The following PRKCA variants were observed in gnomAD, a reference collection of about 807,000 sequenced individuals.
PRKCA encodes protein kinase C alpha type.
PRKCA carries 27 observed loss-of-function variants against 87.0 expected under a neutral mutation model. The observed-to-expected ratio is 0.31, with a 90% CI of 0.23 to 0.43. The LOEUF is 0.43. Ranked by LOEUF, PRKCA falls within the 20% of genes least tolerant of loss-of-function variation. The pLI, the probability that PRKCA is intolerant of heterozygous loss-of-function variation, is 1.00. For synonymous variants in PRKCA, 329 were observed against 311.1 expected (o/e 1.06, Z -0.61); for missense variants, 518 against 852.3 (o/e 0.61, Z 4.88).
At chr17:66,595,923 G>A (rs1022201489) in intron 3 of PRKCA, among the ~76,000 whole-genome samples, 2 of 152,170 alleles carry the variant, frequency 1.3e-5, no homozygotes, top group East Asian at 1.9e-4. Flanking sequence ...AAAGGCGTAC[G>A]GCATCAAGCC....
At chr17:66,429,948 A>G (rs1913014529) in intron 2 of PRKCA, among the ~76,000 whole-genome samples, 1 of 151,610 alleles carries the variant, frequency 6.6e-6, no homozygotes, top group Admixed American at 6.6e-5. Context: ...TAGGCTTGTG[A>G]CCAGCATCTC....
At chr17:66,778,211 A>G (rs1361821590) in intron 14 of PRKCA, 4 of 984,982 alleles carry the variant, frequency 4.1e-6, no homozygotes, top group Non-Finnish European at 4.8e-6. Flanking sequence ...GGTCTCCATC[A>G]TCTCTATTAA....
chr17:66,584,199 T>C (rs184466040), intron 3 of PRKCA, among the ~76,000 whole-genome samples: 271 of 152,222 alleles, frequency 1.8e-3, no homozygotes, highest in African/African-American at 5.9e-3. Flanking sequence ...TTTATTGTTT[T>C]GGTTTTTGTT....
At chr17:66,673,623 G>C (rs150296929) in intron 5 of PRKCA, among the ~76,000 whole-genome samples, 1 of 152,314 alleles carries the variant, frequency 6.6e-6, no homozygotes, top group Non-Finnish European at 1.5e-5. Flanking sequence ...AACACAGACG[G>C]TGTCAGCAGA....
chr17:66,459,082 A>AT (rs1352402850), intron 2 of PRKCA, among the ~76,000 whole-genome samples: 1 of 152,112 alleles, frequency 6.6e-6, no homozygotes, highest in Non-Finnish European at 1.5e-5. Context: ...TAAAAAAAAA[A>AT]GGGATAATGA....
intron 16 of PRKCA, among the ~76,000 whole-genome samples, chr17:66,790,724 C>A (rs1474878891): frequency 6.6e-6 from 1 of 152,148 alleles, no homozygotes; most frequent in Non-Finnish European, 1.5e-5. Context: ...GCAGCAAAAC[C>A]AACCATAAAA....
At chr17:66,506,809 T>G (rs1201474030) in intron 3 of PRKCA, among the ~76,000 whole-genome samples, 1 of 152,202 alleles carries the variant, frequency 6.6e-6, no homozygotes, top group African/African-American at 2.4e-5. Flanking sequence ...GATCAACAAT[T>G]GGTATGATGG....
intron 8 of PRKCA, among the ~76,000 whole-genome samples, chr17:66,707,281 C>T (rs964940050): frequency 1.3e-5 from 2 of 152,238 alleles, no homozygotes; most frequent in East Asian, 1.9e-4. Context: ...AGACTACTCA[C>T]TTGCCAGACA....
chr17:66,602,458 G>A (rs1174034409), intron 3 of PRKCA, among the ~76,000 whole-genome samples: 5 of 151,100 alleles, frequency 3.3e-5, no homozygotes, highest in African/African-American at 4.9e-5. Flanking sequence ...ACTGACCTGC[G>A]CCCACTGTCT....
At chr17:66,579,629 A>G (rs982630974) in intron 3 of PRKCA, among the ~76,000 whole-genome samples, 1 of 152,126 alleles carries the variant, frequency 6.6e-6, no homozygotes, top group Non-Finnish European at 1.5e-5. Context: ...GGACCCAGGT[A>G]GTCTGGGTCC....
chr17:66,710,964 A>G (rs1372879332), intron 8 of PRKCA, among the ~76,000 whole-genome samples: 1 of 151,920 alleles, frequency 6.6e-6, no homozygotes. Flanking sequence ...AATCACTTGA[A>G]CCCGGGAGGC....
intron 13 of PRKCA, among the ~76,000 whole-genome samples, chr17:66,754,520 G>A (rs897550355): frequency 2.6e-5 from 4 of 152,266 alleles, no homozygotes; most frequent in African/African-American, 9.6e-5. Flanking sequence ...CACGGTGCTG[G>A]CTTAAAGACT....
chr17:66,672,433 G>A (rs1221194270), intron 5 of PRKCA, among the ~76,000 whole-genome samples: 2 of 152,264 alleles, frequency 1.3e-5, no homozygotes, highest in African/African-American at 2.4e-5. Flanking sequence ...TATGGTTTTG[G>A]TAGGATTGTG....
At chr17:66,777,216 G>A (rs1975075980) in intron 14 of PRKCA, 1 of 985,400 alleles carries the variant, frequency 1.0e-6, no homozygotes, top group Non-Finnish European at 1.2e-6. Flanking sequence ...GACCATGAAC[G>A]TCATCTCCAG....
At chr17:66,635,337 G>A (rs1021010757) in intron 3 of PRKCA, among the ~76,000 whole-genome samples, 28 of 152,206 alleles carry the variant, frequency 1.8e-4, no homozygotes, top group Admixed American at 1.8e-3. Flanking sequence ...TGGTATTGTG[G>A]TGTTCACCTT....
intron 5 of PRKCA, among the ~76,000 whole-genome samples, chr17:66,679,172 AC>A (rs1312773491): frequency 1.1e-5 from 1 of 93,090 alleles, no homozygotes; most frequent in Non-Finnish European, 2.0e-5. Context: ...CTACACTCAC[AC>A]CTTTTTTTTT....
At chr17:66,737,393 G>A (rs1974061118) in intron 10 of PRKCA, among the ~76,000 whole-genome samples, 1 of 152,124 alleles carries the variant, frequency 6.6e-6, no homozygotes, top group African/African-American at 2.4e-5. Flanking sequence ...TAGATGTTTA[G>A]ATGCCACCAT....
chr17:66,752,683 C>T (rs1409766496), intron 13 of PRKCA, among the ~76,000 whole-genome samples: 2 of 152,204 alleles, frequency 1.3e-5, no homozygotes, highest in African/African-American at 4.8e-5. Context: ...GCAGGGACAT[C>T]CCTACCATGG....
chr17:66,423,111 C>CAA (rs140765115), intron 2 of PRKCA, among the ~76,000 whole-genome samples: 6 of 144,602 alleles, frequency 4.1e-5, no homozygotes, highest in African/African-American at 1.3e-4. Context: ...GACCTTGTCT[C>CAA]AAAAAAAAAA....
Sources: allele counts gnomAD v4.1 joint callset (sites outside exome capture counted in the v4.1 genomes callset), GRCh38; gene constraint gnomAD v4.1.1; transcripts MANE v1.5; gene names NCBI Gene and HGNC (gene_info 2026-07-23, HGNC 2026-07-21).